MYO15A: variants seen among roughly 807,000 people sequenced by gnomAD.
The protein encoded by MYO15A is unconventional myosin-XV.
MYO15A carries 308 observed loss-of-function variants against 394.6 expected under a neutral mutation model. That is an observed-to-expected ratio of 0.78 (90% confidence interval 0.71 to 0.86). The LOEUF (loss-of-function observed/expected upper bound fraction) is 0.86. Ranked by LOEUF, MYO15A falls within the 40% of genes least tolerant of loss-of-function variation. The probability of loss-of-function intolerance (pLI) is 0.00; values close to 1 mark genes in which losing one functional copy is unlikely to be tolerated. For synonymous variants in MYO15A, 1,957 were observed against 2,003.8 expected (o/e 0.98, Z 0.62); for missense variants, 4,606 against 4,799.1 (o/e 0.96, Z 1.19).
chr17:18,153,939 CAGGGG>C lies in MYO15A; in HGVS notation c.8088+49_8088+53del, dbSNP rs769707020. 8.1e-6 allele frequency: 13 copies of C among 1,610,412 alleles called. No individual in the cohort carries two copies. The East Asian group carries it at 2.9e-4, about 36-fold the overall frequency. Reference sequence around the variant, plus strand: ...AGCCAGGGGAGGGGCTGAAGCGGGGCAGGGGAGGGGCTGAAGCGAGCAGAGGAGGG... The same window carrying C: ...AGCCAGGGGAGGGGCTGAAGCGGGGCAGGGGCTGAAGCGAGCAGAGGAGGG... On this transcript the variant is annotated intron_variant, in intron 43 of 65. Transcript: ENST00000647165. This position sits in a 1 kb window ranked among gnomAD's most constrained non-coding sequence, Gnocchi z 4.1.
Position 18,148,621 on chromosome 17 carries a change from G to C in MYO15A, c.6764+53G>C, listed in dbSNP as rs954239861. The C allele has an allele frequency of 2.6e-6, 4 of 1,548,358 alleles. No homozygotes were observed. The highest frequency in any genetic ancestry group is 2.6e-6 in the Non-Finnish European group (3 of 1,144,748). ...CACTCTTATGTACCTGGAATGTTGT[G>C]GGGGGAGGTCAGATCCCCCAGAGGG... is the stretch of plus-strand genomic sequence containing the variant. On this transcript the variant is annotated intron_variant, in intron 32 of 65. Coordinates refer to ENST00000647165, the MANE Select transcript of MYO15A (RefSeq NM_016239.4). The surrounding 1 kb of genome is among the most constrained non-coding windows in gnomAD (Gnocchi z 4.8).
At chr17:18,149,027 C>T (rs2142363682) in intron 33 of MYO15A, 75 bp downstream of exon 33, 1 of 1,525,710 alleles carries the variant, frequency 6.6e-7, no homozygotes, top group Non-Finnish European at 8.9e-7. Flanking sequence ...GGCAGAAGGC[C>T]TGCCCCTCCC....
rs893306690 is a variant in MYO15A at position 18,155,243 on chromosome 17, GC to G, written c.8340+23del. ...CCGCCACGGTGCGAGCCCCTCACTT[GC>G]CCCCTACCTGTCCAGAGGATTCAGG... On this transcript the variant is annotated intron_variant, in intron 46 of 65. Transcript: ENST00000647165. 3 of 1,613,658 alleles carry G rather than the reference GC, an allele frequency of 1.9e-6. No homozygotes were observed. The highest frequency in any genetic ancestry group is 2.5e-6 in the Non-Finnish European group (3 of 1,179,878).
At chr17:18,115,612 T>C (rs960759476) in intron 1 of MYO15A, among the ~76,000 whole-genome samples, 4 of 151,844 alleles carry the variant, frequency 2.6e-5, no homozygotes, top group Non-Finnish European at 4.4e-5. Context: ...AGCGAGACTC[T>C]GTCTCAAAAA....
At position 18,120,424 on chromosome 17, in the gene MYO15A, C is replaced by A. The variant is rs369282352; in HGVS notation, c.1624C>A (p.Leu542Ile). ...CTTCCTCACGCCGCGCCAGCGCAAC[C>A]TCCAGCGCGCGCTGTCGGCCTTCGG... The part of the protein sequence containing the change: ...WGFLTPRQRN[L>I]QRALSAFGAH... The change falls in exon 2 of 66, where the codon CTC (leucine) becomes ATC (isoleucine). Residue 542 changes from leucine to isoleucine, a missense_variant. Coordinates refer to ENST00000647165, the MANE Select transcript of MYO15A (RefSeq NM_016239.4). The A allele has an allele frequency of 1.2e-5, 19 of 1,597,224 alleles. No homozygotes were observed. Among genetic ancestry groups the A allele is most frequent in the Admixed American group, 1.7e-5 (1 of 58,248 alleles).
rs1259922834 is a variant in MYO15A at position 18,152,192 on chromosome 17, G to T, written c.7966+8G>T. ...CCATGGCACCCACTTCAGGTGAGAG[G>T]GCCAGGAGGGAGGGAGGGGAGGGTG... is the stretch of plus-strand genomic sequence containing the variant. On this transcript the variant is annotated splice_region_variant and intron_variant, in intron 42 of 65. Coordinates refer to ENST00000647165, the MANE Select transcript of MYO15A (RefSeq NM_016239.4). The T allele has an allele frequency of 1.9e-6, 3 of 1,549,044 alleles. No homozygotes were observed. Among genetic ancestry groups the T allele is most frequent in the Middle Eastern group, 1.7e-4 (1 of 5,990 alleles).
At chr17:18,157,270 C>A in intron 50 of MYO15A, 40 bp downstream of exon 50, 1 of 1,565,320 alleles carries the variant, frequency 6.4e-7, no homozygotes, top group Non-Finnish European at 8.7e-7. Context: ...CGGGGCGCAT[C>A]CTAGTTTCAC....
At chr17:18,143,647 G>A (rs1328948858) in intron 26 of MYO15A, 28 bp downstream of exon 26, 1 of 1,568,214 alleles carries the variant, frequency 6.4e-7, no homozygotes, top group Non-Finnish European at 8.6e-7. Flanking sequence ...TGGCAGCAGG[G>A]CCAAGGAGGG....
At position 18,143,711 on chromosome 17, in the gene MYO15A, C is replaced by T. The variant is rs2046423635; in HGVS notation, c.5965-4C>T. 1 of 1,593,086 alleles carries T rather than the reference C, an allele frequency of 6.3e-7. No homozygotes were observed. Among genetic ancestry groups the T allele is most frequent in the Admixed American group, 1.8e-5 (1 of 56,794 alleles). On this transcript the variant is annotated splice_region_variant and splice_polypyrimidine_tract_variant and intron_variant, in intron 26 of 65. Coordinates refer to ENST00000647165, the MANE Select transcript of MYO15A (RefSeq NM_016239.4). The stretch of plus-strand genomic sequence containing the variant: ...TGTCCCTGTCCCATGCACTGTCCCT[C>T]TAGGAGCTGAGCAAGCGGGAGGTAG...
chr17:18,140,648 G>C lies in MYO15A; in HGVS notation c.5343G>C (p.Leu1781=). 1 of 1,613,958 alleles carries C rather than the reference G, an allele frequency of 6.2e-7. No individual in the cohort carries two copies. Among genetic ancestry groups the C allele is most frequent in the Non-Finnish European group, 8.5e-7 (1 of 1,180,042 alleles). Residue 1781 remains leucine, a synonymous_variant, in exon 20 of 66, where the codon CTG becomes CTC. Transcript: ENST00000647165. The part of the protein sequence containing the change: ...AAKFQQSLLD[L]VEKMERCNPL... ...AGTTCCAGCAGTCACTCCTGGATCT[G>C]GTGGAAAAGATGGAGAGGTGGGGTG...
intron 1 of MYO15A, among the ~76,000 whole-genome samples, chr17:18,115,725 G>T (rs1443538132): frequency 1.3e-5 from 2 of 152,030 alleles, no homozygotes; most frequent in African/African-American, 2.4e-5. Flanking sequence ...TGGCCCACAG[G>T]CCCTGCACAT....
chr17:18,175,080 CT>C lies in MYO15A; in HGVS notation c.10491+1176del, dbSNP rs534149910. Reference sequence around the variant, plus strand: ...ATGGCTCTGTGGTGTTCTCCTACCTCTTTTTTTTTTTTTTTTTCAGTAGAGA... The same window carrying C: ...ATGGCTCTGTGGTGTTCTCCTACCTCTTTTTTTTTTTTTTTTCAGTAGAGA... On this transcript the variant is annotated intron_variant, in intron 65 of 65. Coordinates refer to ENST00000647165, the MANE Select transcript of MYO15A (RefSeq NM_016239.4). Among the ~76,000 whole-genome samples, 1,068 of 133,304 alleles carry C rather than the reference CT, an allele frequency of 8.0e-3. 9 individuals carry two copies. Among genetic ancestry groups the C allele is most frequent in the African/African-American group, 0.025 (889 of 35,720 alleles). 87.5% of individuals were successfully genotyped at this position (133,304 alleles called of 152,430 possible). A position where few individuals can be genotyped will look rare whatever the true frequency, so the allele number is the denominator to read the frequency against.
Position 18,141,055 on chromosome 17 carries a change from C to A in MYO15A, c.5443C>A (p.Gln1815Lys). The A allele has an allele frequency of 2.5e-6, 4 of 1,614,074 alleles. No homozygotes were observed. The highest frequency in any genetic ancestry group is 3.4e-6 in the Non-Finnish European group (4 of 1,180,046). The change falls in exon 22 of 66, where the codon CAA becomes AAA. Residue 1815 changes from glutamine (Q) to lysine (K), a missense_variant. This residue lies in a region of MYO15A where 2,776 missense variants were observed against 3,109.3 expected (regional missense o/e 0.89). Coordinates refer to ENST00000647165, the MANE Select transcript of MYO15A (RefSeq NM_016239.4). ...GLFEPDVVMA[Q>K]LRYSGVLETV... ...CTTTGAGCCAGATGTGGTAATGGCA[C>A]AATTACGCTATTCAGGGGTGCTGGA...
At chr17:18,124,224 A>G in intron 2 of MYO15A, 1 of 540,620 alleles carries the variant, frequency 1.8e-6, no homozygotes, top group East Asian at 3.2e-5. Flanking sequence ...GCCTTTGTTC[A>G]CCCCCTAGGG....
At chr17:18,173,168 G>T (rs2046966543) in intron 64 of MYO15A, among the ~76,000 whole-genome samples, 1 of 152,188 alleles carries the variant, frequency 6.6e-6, no homozygotes, top group South Asian at 2.1e-4. Context: ...TCCTGGGGGT[G>T]AGGGAGCTGG....
chr17:18,111,341 GAAAAAAAAAA>G (rs57095827), intron 1 of MYO15A, among the ~76,000 whole-genome samples: 2 of 118,950 alleles, frequency 1.7e-5, no homozygotes, highest in Admixed American at 8.4e-5. Flanking sequence ...TCTCAAAAGA[GAAAAAAAAAA>G]AAAAAAAAAA....
At position 18,171,714 on chromosome 17, in the gene MYO15A, C is replaced by T; in HGVS notation, c.10159C>T (p.Gln3387Ter). 6.2e-7 allele frequency: 1 copy of T among 1,612,810 alleles called. No homozygotes were observed. Among genetic ancestry groups the T allele is most frequent in the East Asian group, 2.2e-5 (1 of 44,878 alleles). The change falls in exon 63 of 66, where the codon CAG becomes TAG. Residue 3387 changes from glutamine (Q) to a stop codon, truncating the protein, a stop_gained. Coordinates refer to ENST00000647165, the MANE Select transcript of MYO15A (RefSeq NM_016239.4). LOFTEE classifies it high-confidence loss of function. ...CTCGACCTGGCTCAACCTGGTCAGC[C>T]AGCACCGGCAGCAGACACAGGCGCT... ...AGSTWLNLVS[Q>*]HRQQTQALSP...
Position 18,157,828 on chromosome 17 carries a change from C to A in MYO15A, c.8895C>A (p.Arg2965=). 6.4e-7 allele frequency: 1 copy of A among 1,568,510 alleles called. No individual in the cohort carries two copies. Residue 2965 remains arginine, a synonymous_variant, in exon 51 of 66, where the codon CGC becomes CGA. Transcript: ENST00000647165. ...TGCAGCTGCCAACGGAGCCAGGCCG[C>A]GGCCGAGCAGCCGCCGTGGCCGCTG... ...DFLQLPTEPG[R]GRAAAVAAAV...
At position 18,179,272 on chromosome 17, in the gene MYO15A, T is replaced by C. The variant is rs2047057451; in HGVS notation, c.*402T>C. On this transcript the variant is annotated 3_prime_UTR_variant, in exon 66 of 66. Coordinates refer to ENST00000647165, the MANE Select transcript of MYO15A (RefSeq NM_016239.4). ...TTACTCAGGGTCTGATGTTGGAATC[T>C]GCTCCAACTCCACACCCTAGCCCTT... 3.0e-6 allele frequency: 1 copy of C among 335,368 alleles called. No individual in the cohort carries two copies. The highest frequency in any genetic ancestry group is 5.8e-6 in the Non-Finnish European group (1 of 172,254). The allele number at this position is 335,368 out of a possible 1,614,324, so 20.8% of individuals were successfully genotyped here.
Sources: gnomAD v4.1 joint callset for allele counts (sites outside exome capture counted in the v4.1 genomes callset) on GRCh38, gnomAD v4.1.1 for gene constraint, gnomAD v4.1.1 regional missense constraint, Gnocchi (gnomAD v3.1) non-coding constraint, MANE v1.5 for transcripts, NCBI Gene and HGNC (gene_info 2026-07-23, HGNC 2026-07-21) for gene names.